Variants in ATP6V1C2 observed in about 807,000 individuals in gnomAD.
The protein encoded by ATP6V1C2 is ATPase H+ transporting V1 subunit C2, also known as V-type proton ATPase subunit C 2.
ATP6V1C2 carries 45 observed loss-of-function variants against 56.8 expected under a neutral mutation model. The ratio of observed to expected loss-of-function variants is 0.79; its 90% confidence interval spans 0.62 to 1.02. ATP6V1C2 has a LOEUF of 1.02. Ranked by LOEUF, ATP6V1C2 falls within the 50% of genes least tolerant of loss-of-function variation. The probability of loss-of-function intolerance (pLI) is 0.00; values close to 1 mark genes in which losing one functional copy is unlikely to be tolerated. For synonymous variants in ATP6V1C2, 220 were observed against 201.3 expected (o/e 1.09, Z -0.79); for missense variants, 463 against 519.7 (o/e 0.89, Z 1.06).
chr2:10,735,963 C>T (rs62128978), intron 3 of ATP6V1C2, among the ~76,000 whole-genome samples: 5,086 of 152,300 alleles, frequency 0.033, 118 homozygotes, highest in Middle Eastern at 0.051. Flanking sequence ...GCATTTCTTG[C>T]AAGCTCCCCA....
intron 12 of ATP6V1C2, among the ~76,000 whole-genome samples, chr2:10,781,206 C>A (rs564308015): frequency 6.6e-6 from 1 of 152,262 alleles, no homozygotes; most frequent in East Asian, 1.9e-4. Flanking sequence ...ACAGCGAGCA[C>A]AACAGAGGCA....
intron 4 of ATP6V1C2, chr2:10,757,320 A>G (rs2148466436): frequency 7.6e-6 from 3 of 395,176 alleles, no homozygotes; most frequent in African/African-American, 6.2e-5. Flanking sequence ...GCCAGAGGAG[A>G]CTTTATTTGG....
At chr2:10,772,872 A>C (rs368953946) in intron 8 of ATP6V1C2, among the ~76,000 whole-genome samples, 7 of 119,884 alleles carry the variant, frequency 5.8e-5, no homozygotes, top group South Asian at 2.7e-4. Context: ...CAGCCTCTCC[A>C]CGCCGTTGCC....
At chr2:10,737,891 G>T (rs1403894318) in intron 3 of ATP6V1C2, among the ~76,000 whole-genome samples, 1 of 152,046 alleles carries the variant, frequency 6.6e-6, no homozygotes, top group Admixed American at 6.6e-5. Context: ...ATGGGGTTTT[G>T]CCACATTGGC....
At chr2:10,737,015 C>T (rs1443373739) in intron 3 of ATP6V1C2, among the ~76,000 whole-genome samples, 1 of 152,020 alleles carries the variant, frequency 6.6e-6, no homozygotes, top group Non-Finnish European at 1.5e-5. Context: ...TCCCAAAGTG[C>T]TGGGTTTATA....
At chr2:10,749,606 T>G (rs1396229505) in intron 3 of ATP6V1C2, among the ~76,000 whole-genome samples, 1 of 152,254 alleles carries the variant, frequency 6.6e-6, no homozygotes, top group Non-Finnish European at 1.5e-5. Flanking sequence ...GAGTGTATAC[T>G]GACTTTGTAC....
chr2:10,730,769 C>T (rs1241113543), intron 3 of ATP6V1C2, among the ~76,000 whole-genome samples: 1 of 151,848 alleles, frequency 6.6e-6, no homozygotes, highest in Non-Finnish European at 1.5e-5. Context: ...TCTCCTGCCT[C>T]AGCCTCCCGA....
At chr2:10,733,224 A>G (rs1464449667) in intron 3 of ATP6V1C2, among the ~76,000 whole-genome samples, 3 of 152,160 alleles carry the variant, frequency 2.0e-5, no homozygotes, top group African/African-American at 7.2e-5. Context: ...TTTCTAGTCC[A>G]GGGGTCAGGG....
At chr2:10,772,039 A>G in intron 7 of ATP6V1C2, 102 bp downstream of exon 7, 1 of 966,898 alleles carries the variant, frequency 1.0e-6, no homozygotes, top group South Asian at 1.3e-5. Flanking sequence ...CTCCCTGCCC[A>G]GCCCCAGTTC....
intron 13 of ATP6V1C2, among the ~76,000 whole-genome samples, 163 bp from the exon 14 acceptor site, chr2:10,783,009 CAT>C (rs1425942648): frequency 6.6e-6 from 1 of 152,106 alleles, no homozygotes; most frequent in Admixed American, 6.6e-5. Flanking sequence ...TGAAAATCTA[CAT>C]GTCATACACA....
At chr2:10,745,041 C>CTTTTTT (rs5829274) in intron 3 of ATP6V1C2, among the ~76,000 whole-genome samples, 60 of 113,298 alleles carry the variant, frequency 5.3e-4, no homozygotes, top group South Asian at 8.9e-4. Context: ...TATTTATTTT[C>CTTTTTT]TTTTTTTTTT....
At chr2:10,760,168 TTC>T (rs1663828492) in intron 4 of ATP6V1C2, among the ~76,000 whole-genome samples, 1 of 150,440 alleles carries the variant, frequency 6.6e-6, no homozygotes, top group African/African-American at 2.4e-5. Context: ...AGGTCAGGAG[TTC>T]GAGACCAGCC....
intron 2 of ATP6V1C2, among the ~76,000 whole-genome samples, chr2:10,723,268 G>A (rs1385433569): frequency 1.3e-5 from 2 of 152,208 alleles, no homozygotes; most frequent in Admixed American, 6.5e-5. Context: ...TGGGAAGCAC[G>A]TTAAATGCAC....
chr2:10,721,487 G>T (rs1205994955), upstream of ATP6V1C2, among the ~76,000 whole-genome samples: 1 of 152,118 alleles, frequency 6.6e-6, no homozygotes, highest in Non-Finnish European at 1.5e-5. Context: ...GCGCCTTCCT[G>T]CCCGGCGCCT....
intron 3 of ATP6V1C2, among the ~76,000 whole-genome samples, chr2:10,753,529 A>C (rs1340536012): frequency 6.7e-6 from 1 of 150,168 alleles, no homozygotes; most frequent in Non-Finnish European, 1.5e-5. Flanking sequence ...AAAGGCTATT[A>C]GCATTTTTTT....
chr2:10,774,546 A>T (rs761872607), intron 8 of ATP6V1C2, among the ~76,000 whole-genome samples: 2 of 152,186 alleles, frequency 1.3e-5, no homozygotes, highest in Non-Finnish European at 2.9e-5. Context: ...GCTAAAGCCC[A>T]GGCCCCTACA....
At chr2:10,721,373 G>A (rs891192941), upstream of ATP6V1C2, among the ~76,000 whole-genome samples, 1 of 152,202 alleles carries the variant, frequency 6.6e-6, no homozygotes, top group African/African-American at 2.4e-5. Context: ...TCCCGGACGC[G>A]GCAGCGCAGT....
intron 10 of ATP6V1C2, 59 bp from the exon 11 acceptor site, chr2:10,777,526 T>G: frequency 2.5e-6 from 4 of 1,581,344 alleles, no homozygotes; most frequent in African/African-American, 1.4e-5. Context: ...ATGAGAATGA[T>G]TTATTTGTTT....
At chr2:10,747,699 A>G (rs1334169990) in intron 3 of ATP6V1C2, among the ~76,000 whole-genome samples, 1 of 137,944 alleles carries the variant, frequency 7.2e-6, no homozygotes, top group Non-Finnish European at 1.6e-5. Flanking sequence ...ATCTCTTTGA[A>G]ACAAAAAAAA....
Sources: gnomAD v4.1 joint callset for allele counts (sites outside exome capture counted in the v4.1 genomes callset) on GRCh38, gnomAD v4.1.1 for gene constraint, MANE v1.5 for transcripts, NCBI Gene and HGNC (gene_info 2026-07-23, HGNC 2026-07-21) for gene names.